Variants in SSBP3 observed in about 807,000 individuals in gnomAD.
SSBP3 encodes the protein single-stranded DNA-binding protein 3.
Under a neutral mutation model 69.6 loss-of-function variants are expected in SSBP3, and 5 were observed. That is an observed-to-expected ratio of 0.07 (90% CI 0.04 to 0.15). SSBP3 has a LOEUF of 0.15. SSBP3 is among the 10% of genes least tolerant of loss of function. The pLI is 1.00. For missense variants in SSBP3, 312 were observed against 534.0 expected, an observed-to-expected ratio of 0.58 and a Z score of 4.10; for synonymous variants, 196 against 193.4, an observed-to-expected ratio of 1.01 and a Z score of -0.11.
At chr1:54,304,138 C>T (rs1569714880) in intron 4 of SSBP3, among the ~76,000 whole-genome samples, 1 of 152,280 alleles carries the variant, frequency 6.6e-6, no homozygotes, top group African/African-American at 2.4e-5. Flanking sequence ...ACAAGGGAGC[C>T]ATGACGAGTT....
chr1:54,291,532 G>A (rs185422557), intron 4 of SSBP3, among the ~76,000 whole-genome samples: 3 of 152,334 alleles, frequency 2.0e-5, no homozygotes, highest in Non-Finnish European at 4.4e-5. Context: ...AGCCTTTAAA[G>A]CATGCACTAA....
intron 4 of SSBP3, among the ~76,000 whole-genome samples, chr1:54,333,386 C>G (rs576954056): frequency 3.4e-4 from 51 of 152,172 alleles, no homozygotes; most frequent in Non-Finnish European, 7.1e-4. Context: ...TGGATCCAAA[C>G]AGGACAGCCA....
intron 5 of SSBP3, among the ~76,000 whole-genome samples, chr1:54,273,408 A>C (rs1003833773): frequency 1.3e-5 from 2 of 152,184 alleles, no homozygotes; most frequent in African/African-American, 4.8e-5. Context: ...GACTGAGCTG[A>C]GCCAGCCGCC....
chr1:54,252,195 G>A (rs1320520264), intron 7 of SSBP3, among the ~76,000 whole-genome samples: 1 of 152,178 alleles, frequency 6.6e-6, no homozygotes, highest in African/African-American at 2.4e-5. Flanking sequence ...TCTGGCTGTA[G>A]CACCAACCAC....
At position 54,243,202 on chromosome 1, in the gene SSBP3, T is replaced by C. The variant is rs12568572; in HGVS notation, c.716+33A>G. The C allele has an allele frequency of 8.1e-6, 13 of 1,608,938 alleles. No homozygotes were observed. In the East Asian group the frequency reaches 2.7e-4, roughly 33 times the overall value. ...GCAGAGGGTGGGGGAAGACCTGGAC[T>C]CTGAGCCACGGGCCGGGTCGTTTTT... On this transcript the variant is annotated intron_variant, in intron 10 of 17. Coordinates refer to ENST00000610401, the Ensembl canonical transcript of SSBP3.
intron 7 of SSBP3, 75 bp downstream of exon 7, chr1:54,257,052 T>G (rs1644934527): frequency 1.4e-6 from 2 of 1,460,706 alleles, no homozygotes; most frequent in Non-Finnish European, 9.3e-7. Flanking sequence ...CCCTCAACTT[T>G]CATTTTGTGT....
chr1:54,262,753 G>T (rs2100774461), intron 5 of SSBP3, among the ~76,000 whole-genome samples: 1 of 152,302 alleles, frequency 6.6e-6, no homozygotes, highest in South Asian at 2.1e-4. Flanking sequence ...GAGAACTGGG[G>T]TCCACTGACG....
intron 9 of SSBP3, among the ~76,000 whole-genome samples, chr1:54,248,361 GT>G (rs1363391815): frequency 6.6e-6 from 1 of 152,238 alleles, no homozygotes; most frequent in Non-Finnish European, 1.5e-5. Flanking sequence ...AGGACACCAT[GT>G]GGGGACTTCA....
intron 4 of SSBP3, among the ~76,000 whole-genome samples, chr1:54,336,101 A>C (rs1258592753): frequency 6.6e-6 from 1 of 152,156 alleles, no homozygotes; most frequent in Non-Finnish European, 1.5e-5. Context: ...ACCATCTCTA[A>C]AGTTCTTCTA....
chr1:54,253,076 G>C (rs182189108), intron 7 of SSBP3, among the ~76,000 whole-genome samples: 92 of 152,196 alleles, frequency 6.0e-4, no homozygotes, highest in African/African-American at 2.1e-3. Flanking sequence ...CTTCAGAATG[G>C]AACAGGGGAG....
At chr1:54,358,596 C>G (rs1646904348) in intron 4 of SSBP3, among the ~76,000 whole-genome samples, 1 of 152,186 alleles carries the variant, frequency 6.6e-6, no homozygotes, top group African/African-American at 2.4e-5. Context: ...GCCTCAGTAT[C>G]CCCTGCTGGT....
chr1:54,331,069 T>G (rs1646401827), intron 4 of SSBP3, among the ~76,000 whole-genome samples: 1 of 152,244 alleles, frequency 6.6e-6, no homozygotes, highest in South Asian at 2.1e-4. Context: ...CCTTCAAAAT[T>G]TCCTTCTTCT....
chr1:54,237,852 G>C, intron 14 of SSBP3: 1 of 324,330 alleles, frequency 3.1e-6, no homozygotes, highest in South Asian at 2.7e-5. Flanking sequence ...GTTGCAGCCT[G>C]AGTGATGTGA....
At chr1:54,300,396 C>A (rs1173573952) in intron 4 of SSBP3, among the ~76,000 whole-genome samples, 1 of 152,166 alleles carries the variant, frequency 6.6e-6, no homozygotes, top group Admixed American at 6.5e-5. Context: ...GTCAGTTCAG[C>A]TCAGGGGCCC....
intron 4 of SSBP3, among the ~76,000 whole-genome samples, chr1:54,329,057 A>C (rs1321160153): frequency 6.6e-6 from 1 of 152,020 alleles, no homozygotes; most frequent in African/African-American, 2.4e-5. Flanking sequence ...AATATTCTAG[A>C]AACTCTGTAT....
intron 10 of SSBP3, 109 bp from the exon 11 acceptor site, chr1:54,242,321 T>G: frequency 7.5e-7 from 1 of 1,325,266 alleles, no homozygotes; most frequent in Admixed American, 1.8e-5. Flanking sequence ...AGGAAGTCCT[T>G]CCTACAGCCC....
intron 5 of SSBP3, among the ~76,000 whole-genome samples, chr1:54,278,357 A>C (rs1645329669): frequency 6.6e-6 from 1 of 151,434 alleles, no homozygotes; most frequent in South Asian, 2.1e-4. Context: ...AGGTGTGGTC[A>C]GGTCAGTTTC....
intron 6 of SSBP3, among the ~76,000 whole-genome samples, chr1:54,257,738 C>CTCGGGATGCAGCT (rs1553126840): frequency 6.6e-6 from 1 of 152,136 alleles, no homozygotes; most frequent in African/African-American, 2.4e-5. Flanking sequence ...AAAGAAAAGG[C>CTCGGGATGCAGCT]TCGGGATGCA....
chr1:54,325,397 A>G (rs1646284040), intron 4 of SSBP3: 1 of 167,216 alleles, frequency 6.0e-6, no homozygotes, highest in South Asian at 2.1e-4. Context: ...CATGGGATTC[A>G]CCAGCTCTTC....
Sources: gnomAD v4.1 joint callset for allele counts (sites outside exome capture counted in the v4.1 genomes callset) on GRCh38, gnomAD v4.1.1 for gene constraint, MANE v1.5 for transcripts, NCBI Gene and HGNC (gene_info 2026-07-23, HGNC 2026-07-21) for gene names.